The following GCN1 variants were observed in gnomAD, a reference collection of about 807,000 sequenced individuals.
The protein encoded by GCN1 is stalled ribosome sensor GCN1.
A neutral mutation model predicts 288.4 loss-of-function variants in GCN1; 90 were observed. The observed-to-expected ratio is 0.31, with a 90% CI of 0.26 to 0.37. The LOEUF (loss-of-function observed/expected upper bound fraction) is 0.37, where lower values mean the gene tolerates loss of function less well. Ranked by LOEUF, GCN1 falls within the 10% of genes least tolerant of loss-of-function variation. The pLI is 1.00. For synonymous variants in GCN1, 1,386 were observed against 1,420.2 expected (o/e 0.98, Z 0.54); for missense variants, 2,586 against 3,419.9 (o/e 0.76, Z 6.08).
intron 1 of GCN1, among the ~76,000 whole-genome samples, chr12:120,191,705 T>G (rs926936071): frequency 6.6e-6 from 1 of 152,254 alleles, no homozygotes; most frequent in Non-Finnish European, 1.5e-5. Flanking sequence ...AAAATGTCTT[T>G]TGTTTTTATA....
At chr12:120,173,266 T>C (rs1473451450) in intron 14 of GCN1, among the ~76,000 whole-genome samples, 4 of 151,590 alleles carry the variant, frequency 2.6e-5, no homozygotes, top group Non-Finnish European at 5.9e-5. Flanking sequence ...CATGTTGGTC[T>C]TGAACTCCTG....
At chr12:120,172,023 A>C (rs539749145) in intron 14 of GCN1, among the ~76,000 whole-genome samples, 1 of 151,830 alleles carries the variant, frequency 6.6e-6, no homozygotes, top group African/African-American at 2.4e-5. Flanking sequence ...CACCATGCCC[A>C]GCTATTTTTT....
chr12:120,169,368 G>A (rs910038486), intron 15 of GCN1, among the ~76,000 whole-genome samples: 5 of 147,136 alleles, frequency 3.4e-5, no homozygotes, highest in African/African-American at 1.2e-4. Flanking sequence ...TCTTTCTGAT[G>A]TACTGATTTG....
rs758904612 is a variant in GCN1 at position 120,138,022 on chromosome 12, G to A, written c.6272C>T (p.Thr2091Ile). 18 of 1,613,524 alleles carry A rather than the reference G, an allele frequency of 1.1e-5. No individual in the cohort carries two copies. The highest frequency in any genetic ancestry group is 1.4e-5 in the Non-Finnish European group (17 of 1,179,816). The change falls in exon 48 of 58, where the codon ACC (threonine) becomes ATC (isoleucine). Residue 2091 changes from threonine to isoleucine, a missense_variant. This residue lies in a region of GCN1 where 437 missense variants were observed against 570.5 expected (regional missense o/e 0.77). Transcript: ENST00000300648. ...TGACGAAAGGAAAGCCAGCACCCGG[G>A]TGTTGACAGGTGGCGTTGTCAGCTG... is the stretch of plus-strand genomic sequence containing the variant. Reference protein sequence around the residue: ...VPKLTTPPVNTRVLAFLSSVA... With the variant: ...VPKLTTPPVNIRVLAFLSSVA...
At chr12:120,157,699 AAACCCAC>A in intron 26 of GCN1, 143 bp downstream of exon 26, 1 of 646,982 alleles carries the variant, frequency 1.5e-6, no homozygotes, top group Non-Finnish European at 2.5e-6. Context: ...TTGCCTTAAA[AAACCCAC>A]AACACTGTGT....
rs1469780733 is a variant in GCN1, at chr12:120,144,636, T to A, written c.5352+3A>T. On this transcript the variant is annotated splice_donor_region_variant and intron_variant, in intron 41 of 57. Coordinates refer to ENST00000300648, the MANE Select transcript of GCN1 (RefSeq NM_006836.2). This position sits in a 1 kb window ranked among gnomAD's most constrained non-coding sequence, Gnocchi z 4.7. ...CTACCCTTGCCAAGGTCATGGTACC[T>A]ACTTTGAGGATACAGGGGATGATGG... 1 of 1,612,344 alleles carries A rather than the reference T, an allele frequency of 6.2e-7. No homozygotes were observed. Among genetic ancestry groups the A allele is most frequent in the Non-Finnish European group, 8.5e-7 (1 of 1,178,376 alleles).
Position 120,145,337 on chromosome 12 carries a change from C to T in GCN1, c.4948-7G>A. On this transcript the variant is annotated splice_region_variant and splice_polypyrimidine_tract_variant and intron_variant, in intron 38 of 57. Transcript: ENST00000300648. The stretch of plus-strand genomic sequence containing the variant: ...GCAGGTACGGAGCCAAGTCCTGCAA[C>T]AACACAGGAGGCGGCTCAGGTGAGG... The T allele has an allele frequency of 6.4e-7, 1 of 1,573,502 alleles. No homozygotes were observed. The highest frequency in any genetic ancestry group is 1.2e-5 in the South Asian group (1 of 85,032).
At chr12:120,128,640 T>A (rs1200977456) in intron 57 of GCN1, among the ~76,000 whole-genome samples, 1 of 151,638 alleles carries the variant, frequency 6.6e-6, no homozygotes, top group East Asian at 2.0e-4. Flanking sequence ...GCTGGCCAGC[T>A]TTTGGGCTTT....
At chr12:120,131,469 A>G (rs1309209588) in intron 54 of GCN1, 136 bp from the exon 55 acceptor site, 13 of 769,832 alleles carry the variant, frequency 1.7e-5, no homozygotes, top group East Asian at 7.6e-5. Context: ...CCACATTCAC[A>G]TGGACCTCCC....
chr12:120,149,807 C>G, intron 35 of GCN1, 87 bp from the exon 36 acceptor site: 1 of 1,520,484 alleles, frequency 6.6e-7, no homozygotes, highest in Non-Finnish European at 9.1e-7. Context: ...CCTCCTATAA[C>G]CAACGCTTAC....
intron 15 of GCN1, 30 bp downstream of exon 15, chr12:120,170,139 C>G: frequency 6.2e-7 from 1 of 1,605,434 alleles, no homozygotes. Flanking sequence ...GCCCCTGTCT[C>G]TACCATCCTA....
intron 2 of GCN1, among the ~76,000 whole-genome samples, chr12:120,187,754 G>A (rs556196803): frequency 3.9e-4 from 59 of 152,098 alleles, no homozygotes; most frequent in African/African-American, 1.3e-3. Flanking sequence ...CAGGATTTCC[G>A]ATTTGAGTTG....
chr12:120,129,416 G>A lies in GCN1; in HGVS notation c.7750C>T (p.Pro2584Ser). The A allele has an allele frequency of 6.2e-7, 1 of 1,613,914 alleles. No homozygotes were observed. Among genetic ancestry groups the A allele is most frequent in the Non-Finnish European group, 8.5e-7 (1 of 1,179,780 alleles). The stretch of plus-strand genomic sequence containing the variant: ...GGCTTGATGGCCTGGGGGTCCAGGG[G>A]AGGCAGTGGGTCCTTATTTGCCCAC... Reference protein sequence around the residue: ...IWWANKDPLPPLDPQAIKPIL... With the variant: ...IWWANKDPLPSLDPQAIKPIL... The change falls in exon 57 of 58, where the codon CCC (proline) becomes TCC (serine). Residue 2584 changes from proline (P) to serine (S), a missense_variant. Transcript: ENST00000300648.
At chr12:120,174,415 CT>C (rs1244611946) in intron 12 of GCN1, among the ~76,000 whole-genome samples, 1 of 152,216 alleles carries the variant, frequency 6.6e-6, no homozygotes, top group Non-Finnish European at 1.5e-5. Flanking sequence ...CAGCAGGGTC[CT>C]GGGAGGCAGG....
chr12:120,138,696 A>G lies in GCN1; in HGVS notation c.6155T>C (p.Leu2052Pro). The G allele has an allele frequency of 6.2e-7, 1 of 1,613,088 alleles. No homozygotes were observed. Among genetic ancestry groups the G allele is most frequent in the Non-Finnish European group, 8.5e-7 (1 of 1,179,186 alleles). Residue 2052 changes from leucine to proline, a missense_variant and splice_region_variant, in exon 46 of 58, where the codon CTG (leucine) becomes CCG (proline). Around this residue, in one of 8 missense-constraint regions of GCN1, gnomAD observed 437 missense variants for 570.5 expected, o/e 0.77. Coordinates refer to ENST00000300648, the MANE Select transcript of GCN1 (RefSeq NM_006836.2). ...TAGGTGTGTGGTAGATCCACTCACC[A>G]GCTGCTTTAGTAAAAATGGGAGAAT... ...EDILPFLLKQLDDEEVSEFAL... is the reference protein window; with the variant it reads ...EDILPFLLKQPDDEEVSEFAL...
At position 120,153,725 on chromosome 12, in the gene GCN1, C is replaced by A. The variant is rs1233880627; in HGVS notation, c.3867+19G>T. On this transcript the variant is annotated intron_variant, in intron 32 of 57. Transcript: ENST00000300648. The surrounding 1 kb of genome is among the most constrained non-coding windows in gnomAD (Gnocchi z 4.4). ...CCCCTTACCTTCCCGTGGGTGTTCC[C>A]TGGCTGGGACCCCCTTACCTTCCCA... 6.2e-7 allele frequency: 1 copy of A among 1,611,782 alleles called. No individual in the cohort carries two copies. Among genetic ancestry groups the A allele is most frequent in the South Asian group, 1.1e-5 (1 of 90,852 alleles).
rs1266447760 is a variant in GCN1, at chr12:120,156,916, A to G, written c.3164T>C (p.Leu1055Ser). Residue 1055 changes from leucine (L) to serine (S), a missense_variant, in exon 27 of 58, where the codon TTA becomes TCA. Transcript: ENST00000300648. The surrounding 1 kb of genome is among the most constrained non-coding windows in gnomAD (Gnocchi z 5.8). ...GCCAACTGAAAACCACATCACCTGT[A>G]AGCGAGGCGAGCCCGTCCCGATCAC... ...TWVIGTGSPR[L>S]QVLASDTLTT... is the part of the protein sequence containing the mutation. 5.0e-6 allele frequency: 8 copies of G among 1,606,078 alleles called. No individual in the cohort carries two copies. The highest frequency in any genetic ancestry group is 6.8e-6 in the Non-Finnish European group (8 of 1,172,860).
intron 36 of GCN1, among the ~76,000 whole-genome samples, chr12:120,148,793 T>C (rs1031686813): frequency 2.0e-5 from 3 of 152,190 alleles, no homozygotes; most frequent in Non-Finnish European, 4.4e-5. Context: ...TCTACTTTTA[T>C]CTGTTTGCTT....
rs1876667004 is a variant in GCN1, at chr12:120,127,851, A to G, written c.8014T>C (p.Ter2672ArgextTer98). ...ATGCTGCTGCTGGCCCAGGCCTCTC[A>G]TGTCAGGATGGTGTCGTCCACCTGC... ...TEQVDDTILT* is the reference protein window; with the variant it reads ...TEQVDDTILTR Residue 2672 changes from the stop codon to arginine, a stop_lost, in exon 58 of 58, where the codon TGA becomes CGA. Coordinates refer to ENST00000300648, the MANE Select transcript of GCN1 (RefSeq NM_006836.2). 3 of 1,613,714 alleles carry G rather than the reference A, an allele frequency of 1.9e-6. No homozygotes were observed. Among genetic ancestry groups the G allele is most frequent in the Admixed American group, 3.3e-5 (2 of 59,968 alleles).
Sources: allele counts gnomAD v4.1 joint callset (sites outside exome capture counted in the v4.1 genomes callset), GRCh38; gene constraint gnomAD v4.1.1; regional missense constraint gnomAD v4.1.1; non-coding constraint Gnocchi (gnomAD v3.1); transcripts MANE v1.5; gene names NCBI Gene and HGNC (gene_info 2026-07-23, HGNC 2026-07-21).